The following SUPT3H variants were observed in gnomAD, a reference collection of about 807,000 sequenced individuals.
SUPT3H encodes SPT3 homolog, SAGA and STAGA complex component, also known as transcription initiation protein SPT3 homolog.
Under a neutral mutation model 44.3 loss-of-function variants are expected in SUPT3H, and 44 were observed. The ratio of observed to expected loss-of-function variants is 0.99; its 90% CI spans 0.78 to 1.28. The LOEUF (loss-of-function observed/expected upper bound fraction) is 1.28, where lower values mean the gene tolerates loss of function less well. Among genes scored for constraint, SUPT3H ranks in the 50% most tolerant of loss-of-function variants. The pLI is 0.00. For missense variants in SUPT3H, 380 were observed against 387.1 expected (o/e 0.98, Z 0.15); for synonymous variants, 124 against 125.6 (o/e 0.99, Z 0.09).
chr6:45,059,229 C>T (rs1446323335), intron 3 of SUPT3H, among the ~76,000 whole-genome samples: 2 of 152,076 alleles, frequency 1.3e-5, no homozygotes, highest in Non-Finnish European at 2.9e-5. Context: ...CATCAAAAAG[C>T]TTATCCACCA....
chr6:45,260,995 T>A (rs928596706), intron 2 of SUPT3H, among the ~76,000 whole-genome samples: 1 of 152,124 alleles, frequency 6.6e-6, no homozygotes, highest in South Asian at 2.1e-4. Flanking sequence ...CACCACCAGA[T>A]AGGCCAGCTG....
chr6:45,061,311 C>T (rs1264161378), intron 3 of SUPT3H, among the ~76,000 whole-genome samples: 3 of 152,124 alleles, frequency 2.0e-5, no homozygotes, highest in African/African-American at 7.2e-5. Flanking sequence ...ATAGATGGAG[C>T]TGCAAGCCGT....
intron 2 of SUPT3H, among the ~76,000 whole-genome samples, chr6:45,304,431 T>C (rs527741670): frequency 6.6e-6 from 1 of 152,124 alleles, no homozygotes; most frequent in African/African-American, 2.4e-5. Context: ...AAACTAAATA[T>C]GTAATAAATT....
At chr6:44,957,116 A>T (rs1009389396) in intron 7 of SUPT3H, among the ~76,000 whole-genome samples, 1 of 152,098 alleles carries the variant, frequency 6.6e-6, no homozygotes, top group Non-Finnish European at 1.5e-5. Flanking sequence ...AATCTGTAAG[A>T]TTTTCTTTAT....
intron 3 of SUPT3H, among the ~76,000 whole-genome samples, chr6:45,061,302 T>C (rs746546624): frequency 9.2e-5 from 14 of 152,240 alleles, no homozygotes; most frequent in Non-Finnish European, 1.3e-4. Flanking sequence ...TGCAGGGACA[T>C]AGATGGAGCT....
At chr6:44,866,097 C>G (rs1352626746) in intron 10 of SUPT3H, among the ~76,000 whole-genome samples, 5 of 136,914 alleles carry the variant, frequency 3.7e-5, no homozygotes, top group Non-Finnish European at 6.2e-5. Flanking sequence ...TTTAGAAAGC[C>G]TACATCGACT....
At chr6:45,103,143 T>C (rs554554242) in intron 3 of SUPT3H, among the ~76,000 whole-genome samples, 1 of 152,296 alleles carries the variant, frequency 6.6e-6, no homozygotes, top group African/African-American at 2.4e-5. Flanking sequence ...TCCTTTCCTC[T>C]AAAGAACTCA....
chr6:44,832,049 C>T lies in SUPT3H; in HGVS notation c.913-2192G>A, dbSNP rs192003248. Among the ~76,000 whole-genome samples, 10 of 152,198 alleles carry T rather than the reference C, an allele frequency of 6.6e-5. No homozygotes were observed. In the East Asian group the frequency reaches 1.9e-3, roughly 29 times the overall value. ...ATGTGTAATTAGTGAAGAGCAATTTCAGTAAACATATTCCCTAGGGTACTC... is the reference window on the plus strand; with the variant it reads ...ATGTGTAATTAGTGAAGAGCAATTTTAGTAAACATATTCCCTAGGGTACTC... On this transcript the variant is annotated intron_variant, in intron 10 of 10. Transcript: ENST00000371459.
intron 10 of SUPT3H, among the ~76,000 whole-genome samples, chr6:44,927,382 CATA>C (rs1190776358): frequency 3.9e-5 from 6 of 152,060 alleles, no homozygotes; most frequent in African/African-American, 1.4e-4. Flanking sequence ...GCATTTCTTT[CATA>C]ATGAGTAAAC....
intron 4 of SUPT3H, 64 bp from the exon 5 acceptor site, chr6:45,014,955 G>T: frequency 9.9e-7 from 1 of 1,006,038 alleles, no homozygotes. Context: ...ACTGATTAAA[G>T]ACTACTATAA....
intron 3 of SUPT3H, among the ~76,000 whole-genome samples, chr6:45,087,501 A>T (rs958995608): frequency 1.3e-5 from 2 of 151,864 alleles, no homozygotes; most frequent in Non-Finnish European, 2.9e-5. Context: ...TTTTCTCTAT[A>T]GACTTTTGAG....
intron 3 of SUPT3H, among the ~76,000 whole-genome samples, chr6:45,030,143 T>C (rs1583160237): frequency 6.6e-6 from 1 of 152,110 alleles, no homozygotes; most frequent in East Asian, 1.9e-4. Flanking sequence ...TAAAATACAA[T>C]TAAAATTGCA....
chr6:45,297,356 T>C (rs1052037492), intron 2 of SUPT3H, among the ~76,000 whole-genome samples: 18 of 152,240 alleles, frequency 1.2e-4, no homozygotes, highest in Admixed American at 2.6e-4. Flanking sequence ...AATAGTACTG[T>C]CTCATAGGCA....
intron 2 of SUPT3H, among the ~76,000 whole-genome samples, chr6:45,218,634 T>G (rs1325220548): frequency 6.6e-6 from 1 of 152,190 alleles, no homozygotes; most frequent in African/African-American, 2.4e-5. Flanking sequence ...CTTGGGAAGC[T>G]GAGGCAGGAG....
At chr6:45,269,614 G>A (rs1775794836) in intron 2 of SUPT3H, among the ~76,000 whole-genome samples, 1 of 152,162 alleles carries the variant, frequency 6.6e-6, no homozygotes, top group African/African-American at 2.4e-5. Flanking sequence ...CCCTTCCACA[G>A]TCTGACAGGT....
intron 2 of SUPT3H, among the ~76,000 whole-genome samples, chr6:45,112,953 A>G (rs1040644731): frequency 7.0e-6 from 1 of 143,692 alleles, no homozygotes; most frequent in Non-Finnish European, 1.5e-5. Flanking sequence ...TGGTCTTGGG[A>G]GCTAGTCACT....
intron 3 of SUPT3H, among the ~76,000 whole-genome samples, chr6:45,049,184 A>G (rs1370418153): frequency 1.3e-5 from 2 of 152,194 alleles, no homozygotes; most frequent in African/African-American, 4.8e-5. Context: ...TTTTTAAAAA[A>G]TCAGCTTAGA....
At chr6:45,170,255 A>T (rs569619901) in intron 2 of SUPT3H, among the ~76,000 whole-genome samples, 2 of 152,210 alleles carry the variant, frequency 1.3e-5, no homozygotes, top group African/African-American at 4.8e-5. Context: ...GAATAATTCT[A>T]TAGGCATTGT....
intron 2 of SUPT3H, among the ~76,000 whole-genome samples, chr6:45,218,318 A>G (rs991101165): frequency 1.3e-5 from 2 of 152,186 alleles, no homozygotes; most frequent in Non-Finnish European, 2.9e-5. Flanking sequence ...TCCTGTAAAT[A>G]CAAACAACCA....
Sources: allele counts gnomAD v4.1 joint callset (sites outside exome capture counted in the v4.1 genomes callset), GRCh38; gene constraint gnomAD v4.1.1; transcripts MANE v1.5; gene names NCBI Gene and HGNC (gene_info 2026-07-23, HGNC 2026-07-21).